Variants in TRPC4 observed in about 807,000 individuals in gnomAD.
TRPC4 encodes the protein transient receptor potential cation channel subfamily C member 4, also known as short transient receptor potential channel 4.
A neutral mutation model predicts 99.4 loss-of-function variants in TRPC4; 49 were observed. That is an observed-to-expected ratio of 0.49 (90% confidence interval 0.39 to 0.63). The LOEUF (loss-of-function observed/expected upper bound fraction) is 0.63, where lower values mean the gene tolerates loss of function less well. TRPC4 is among the 20% of genes least tolerant of loss of function. The pLI, the probability that TRPC4 is intolerant of heterozygous loss-of-function variation, is 0.00. For missense variants in TRPC4, 898 were observed against 1,152.9 expected (o/e 0.78, Z 3.20); for synonymous variants, 454 against 425.9 (o/e 1.07, Z -0.81).
At chr13:37,653,869 G>A (rs1275442779) in intron 7 of TRPC4, among the ~76,000 whole-genome samples, 10 of 152,036 alleles carry the variant, frequency 6.6e-5, no homozygotes, top group Admixed American at 3.3e-4. Flanking sequence ...AAAACAGAAC[G>A]CACATTTTGG....
chr13:37,862,564 A>C (rs944340777), intron 1 of TRPC4, among the ~76,000 whole-genome samples: 2 of 151,564 alleles, frequency 1.3e-5, no homozygotes, highest in African/African-American at 4.8e-5. Flanking sequence ...TTAAATGTCA[A>C]GTATAGACTC....
chr13:37,686,883 GC>G (rs953006226), intron 4 of TRPC4, among the ~76,000 whole-genome samples: 2 of 152,150 alleles, frequency 1.3e-5, no homozygotes, highest in African/African-American at 4.8e-5. Context: ...CGTCGCTTCA[GC>G]AGCCATTTTG....
chr13:37,853,082 G>A (rs1591161), intron 1 of TRPC4, among the ~76,000 whole-genome samples: 41,270 of 151,728 alleles, frequency 0.27, 5,934 homozygotes, highest in East Asian at 0.42. Context: ...TGCCGATTGC[G>A]GAGGCCTAGG....
chr13:37,824,371 C>G (rs1203774989), intron 1 of TRPC4, among the ~76,000 whole-genome samples: 3 of 150,048 alleles, frequency 2.0e-5, no homozygotes, highest in Non-Finnish European at 4.4e-5. Flanking sequence ...GGGAATGCTT[C>G]CAGTTTTTGC....
intron 2 of TRPC4, among the ~76,000 whole-genome samples, chr13:37,765,989 T>G (rs914425051): frequency 6.6e-6 from 1 of 151,380 alleles, no homozygotes; most frequent in Non-Finnish European, 1.5e-5. Flanking sequence ...TTTTTCCACT[T>G]TCCATTTTTC....
intron 1 of TRPC4, among the ~76,000 whole-genome samples, chr13:37,822,871 GT>G (rs1219191552): frequency 1.3e-5 from 2 of 151,260 alleles, no homozygotes; most frequent in African/African-American, 4.9e-5. Context: ...TGTTGAACTA[GT>G]TTACAGTCCC....
In TRPC4 at chr13:37,754,126, T is replaced by G. The variant is rs190814793; in HGVS notation, c.379-7671A>C. Among the ~76,000 whole-genome samples, 232 of 152,234 alleles carry G rather than the reference T, an allele frequency of 1.5e-3. 2 individuals carry two copies. The highest frequency in any genetic ancestry group is 5.3e-3 in the African/African-American group (221 of 41,570). ...AGTCTAAAATATAAGTCATTTGACC[T>G]CACAAACATTTAGAAAACCCAGAAA... is the stretch of plus-strand genomic sequence containing the variant. On this transcript the variant is annotated intron_variant, in intron 2 of 10. Transcript: ENST00000379705.
intron 5 of TRPC4, among the ~76,000 whole-genome samples, chr13:37,671,754 A>G (rs981226763): frequency 4.6e-5 from 7 of 152,200 alleles, no homozygotes; most frequent in African/African-American, 7.2e-5. Context: ...CTAGTAAGTG[A>G]TGGAGGAAAG....
intron 7 of TRPC4, among the ~76,000 whole-genome samples, 177 bp from the exon 8 acceptor site, chr13:37,651,636 C>T (rs901165702): frequency 1.3e-5 from 2 of 152,160 alleles, no homozygotes; most frequent in Non-Finnish European, 2.9e-5. Context: ...GGTGGCTTAA[C>T]CTAGGGTAGT....
At chr13:37,722,472 A>G (rs1593589196) in intron 3 of TRPC4, among the ~76,000 whole-genome samples, 1 of 152,202 alleles carries the variant, frequency 6.6e-6, no homozygotes, top group African/African-American at 2.4e-5. Flanking sequence ...CTTATGAGGT[A>G]TTTGAAAGGT....
intron 3 of TRPC4, among the ~76,000 whole-genome samples, chr13:37,721,487 G>C (rs1954865634): frequency 6.6e-6 from 1 of 152,046 alleles, no homozygotes; most frequent in Non-Finnish European, 1.5e-5. Flanking sequence ...TATTGCAAAG[G>C]TGTTTCTACC....
chr13:37,671,592 A>G (rs1952844601), intron 5 of TRPC4, among the ~76,000 whole-genome samples: 1 of 152,166 alleles, frequency 6.6e-6, no homozygotes, highest in South Asian at 2.1e-4. Flanking sequence ...AAAAAAGAAA[A>G]AACTAATTTA....
chr13:37,656,973 T>C (rs992269304), intron 6 of TRPC4, among the ~76,000 whole-genome samples: 7 of 152,128 alleles, frequency 4.6e-5, no homozygotes, highest in Non-Finnish European at 8.8e-5. Context: ...TCTTTGCATG[T>C]TTTTTTATAA....
intron 1 of TRPC4, among the ~76,000 whole-genome samples, chr13:37,858,567 A>G (rs1374780042): frequency 1.3e-5 from 2 of 151,722 alleles, no homozygotes; most frequent in Non-Finnish European, 3.0e-5. Context: ...AATGTGGTAC[A>G]TATAAACAAT....
At chr13:37,819,838 A>C (rs923493488) in intron 1 of TRPC4, among the ~76,000 whole-genome samples, 4 of 151,844 alleles carry the variant, frequency 2.6e-5, no homozygotes, top group Non-Finnish European at 5.9e-5. Flanking sequence ...TTAAAAAAAA[A>C]AACAAAAAAA....
intron 3 of TRPC4, among the ~76,000 whole-genome samples, chr13:37,695,543 C>T (rs867433883): frequency 5.3e-5 from 8 of 152,158 alleles, no homozygotes; most frequent in East Asian, 1.9e-4. Flanking sequence ...TCATTACAGC[C>T]GTTCTTTCTC....
chr13:37,868,323 A>T (rs1959908399), intron 1 of TRPC4, among the ~76,000 whole-genome samples: 2 of 151,756 alleles, frequency 1.3e-5, no homozygotes, highest in South Asian at 4.2e-4. Flanking sequence ...TTTAAGGAGG[A>T]TGTTTTCTGG....
At chr13:37,843,517 G>T (rs1958799434) in intron 1 of TRPC4, among the ~76,000 whole-genome samples, 1 of 152,148 alleles carries the variant, frequency 6.6e-6, no homozygotes, top group African/African-American at 2.4e-5. Context: ...AAGAAGGTTT[G>T]CAGAAAAGAT....
chr13:37,692,624 A>G (rs968338109), intron 3 of TRPC4, among the ~76,000 whole-genome samples: 5 of 152,226 alleles, frequency 3.3e-5, no homozygotes, highest in Non-Finnish European at 5.9e-5. Flanking sequence ...CGAATATGCA[A>G]AAGATACGCT....
Sources: gnomAD v4.1 joint callset for allele counts (sites outside exome capture counted in the v4.1 genomes callset) on GRCh38, gnomAD v4.1.1 for gene constraint, MANE v1.5 for transcripts, NCBI Gene and HGNC (gene_info 2026-07-23, HGNC 2026-07-21) for gene names.